GALNTL6: variants seen among roughly 807,000 people sequenced by gnomAD.
GALNTL6 encodes the protein polypeptide N-acetylgalactosaminyltransferase like 6.
GALNTL6 carries 46 observed loss-of-function variants against 73.7 expected under a neutral mutation model. The ratio of observed to expected loss-of-function variants is 0.62; its 90% confidence interval spans 0.49 to 0.80. GALNTL6 has a LOEUF of 0.80. Among genes scored for constraint, GALNTL6 ranks in the 30% least tolerant of loss-of-function variants. The probability of loss-of-function intolerance (pLI) is 0.00; values close to 1 mark genes in which losing one functional copy is unlikely to be tolerated. For missense variants in GALNTL6, 604 were observed against 755.0 expected (o/e 0.80, Z 2.34); for synonymous variants, 259 against 263.7 (o/e 0.98, Z 0.17).
At chr4:171,933,169 C>T (rs1307377351) in intron 2 of GALNTL6, among the ~76,000 whole-genome samples, 4 of 152,124 alleles carry the variant, frequency 2.6e-5, no homozygotes, top group South Asian at 2.1e-4. Context: ...ATCATCCATC[C>T]GTTATAACGT....
chr4:172,297,912 G>T (rs953783410), intron 3 of GALNTL6, among the ~76,000 whole-genome samples: 1 of 152,102 alleles, frequency 6.6e-6, no homozygotes, highest in African/African-American at 2.4e-5. Context: ...GCTTGATGGG[G>T]ATGACATTGA....
chr4:172,369,589 G>A (rs528542568), intron 5 of GALNTL6, among the ~76,000 whole-genome samples: 16 of 152,318 alleles, frequency 1.1e-4, no homozygotes, highest in South Asian at 4.1e-4. Flanking sequence ...TGGGCATGGC[G>A]GGCTGCAGGT....
intron 5 of GALNTL6, among the ~76,000 whole-genome samples, chr4:172,467,511 G>C (rs138299335): frequency 6.6e-6 from 1 of 152,100 alleles, no homozygotes; most frequent in African/African-American, 2.4e-5. Flanking sequence ...CAGCAGGCTC[G>C]GTTTGTCACA....
intron 10 of GALNTL6, among the ~76,000 whole-genome samples, chr4:172,956,146 T>A (rs1236338426): frequency 6.6e-6 from 1 of 151,900 alleles, no homozygotes; most frequent in Non-Finnish European, 1.5e-5. Flanking sequence ...GGGGGTGGTA[T>A]GGAGAGATAA....
At chr4:172,216,257 T>C (rs1000969081) in intron 2 of GALNTL6, among the ~76,000 whole-genome samples, 1 of 152,128 alleles carries the variant, frequency 6.6e-6, no homozygotes, top group African/African-American at 2.4e-5. Context: ...TTTTTGTTTG[T>C]GAAAATCTTT....
intron 2 of GALNTL6, among the ~76,000 whole-genome samples, chr4:172,197,941 C>A (rs1735825011): frequency 6.6e-6 from 1 of 152,062 alleles, no homozygotes; most frequent in Non-Finnish European, 1.5e-5. Flanking sequence ...AACCCCGTCT[C>A]TACTAAAAAT....
intron 2 of GALNTL6, among the ~76,000 whole-genome samples, chr4:172,028,498 T>C (rs1003020782): frequency 6.6e-6 from 1 of 152,036 alleles, no homozygotes; most frequent in East Asian, 1.9e-4. Flanking sequence ...GTAAGATAGG[T>C]TGGATTCCTA....
intron 5 of GALNTL6, among the ~76,000 whole-genome samples, chr4:172,764,805 T>A (rs549440522): frequency 1.1e-4 from 17 of 152,294 alleles, no homozygotes; most frequent in African/African-American, 4.1e-4. Flanking sequence ...CATAAAAAAA[T>A]TTAAAAAGTG....
chr4:172,631,303 C>T (rs1739388479), intron 5 of GALNTL6, among the ~76,000 whole-genome samples: 1 of 151,920 alleles, frequency 6.6e-6, no homozygotes, highest in African/African-American at 2.4e-5. Flanking sequence ...CACCACCATG[C>T]CTGGCTGATT....
intron 5 of GALNTL6, among the ~76,000 whole-genome samples, chr4:172,748,747 AAG>A (rs1478368952): frequency 6.6e-6 from 1 of 152,188 alleles, no homozygotes; most frequent in Non-Finnish European, 1.5e-5. Context: ...AAATAGCTAA[AAG>A]AGAGGATTTT....
chr4:172,839,048 G>A (rs1743064370), intron 7 of GALNTL6, among the ~76,000 whole-genome samples: 1 of 152,084 alleles, frequency 6.6e-6, no homozygotes, highest in African/African-American at 2.4e-5. Context: ...GTCATTCCAG[G>A]TTGTCATAAC....
intron 7 of GALNTL6, among the ~76,000 whole-genome samples, chr4:172,836,407 T>G (rs937529385): frequency 1.3e-5 from 2 of 152,126 alleles, no homozygotes; most frequent in African/African-American, 4.8e-5. Context: ...TCCTACATAT[T>G]CCTCAAAAAT....
intron 5 of GALNTL6, among the ~76,000 whole-genome samples, chr4:172,429,143 C>T (rs969766603): frequency 6.3e-5 from 9 of 142,150 alleles, no homozygotes; most frequent in African/African-American, 2.3e-4. Context: ...ATCACCTCCC[C>T]AAAGCCCCAC....
chr4:171,960,688 TAAAAAAA>T (rs201299722), intron 2 of GALNTL6, among the ~76,000 whole-genome samples: 2,152 of 129,488 alleles, frequency 0.017, 61 homozygotes, highest in African/African-American at 0.06. Context: ...TGTCTTTATT[TAAAAAAA>T]AAAAAAAAAA....
chr4:172,535,065 A>T (rs778544222), intron 5 of GALNTL6, among the ~76,000 whole-genome samples: 3 of 152,216 alleles, frequency 2.0e-5, no homozygotes, highest in Non-Finnish European at 4.4e-5. Context: ...GGCAATTTAT[A>T]TCTGAAAAAC....
chr4:171,994,500 G>A lies in GALNTL6; in HGVS notation c.138+179782G>A, dbSNP rs566778808. Among the ~76,000 whole-genome samples, 5 of 152,132 alleles carry A rather than the reference G, an allele frequency of 3.3e-5. No homozygotes were observed. The East Asian group carries it at 9.7e-4, about 29-fold the overall frequency. ...ACTTATTGCTTAGAAGGGTATGATG[G>A]ACTTGGGGACTTAGAGAGGAAGGTT... On this transcript the variant is annotated intron_variant, in intron 2 of 12. Transcript: ENST00000506823.
At chr4:172,815,621 C>G (rs572593142) in intron 7 of GALNTL6, among the ~76,000 whole-genome samples, 1 of 152,146 alleles carries the variant, frequency 6.6e-6, no homozygotes, top group Non-Finnish European at 1.5e-5. Context: ...TAAAAGTATT[C>G]TCAGTGCCTG....
intron 3 of GALNTL6, among the ~76,000 whole-genome samples, chr4:172,268,723 A>AGGGTG (rs1738536001): frequency 6.6e-6 from 1 of 152,170 alleles, no homozygotes; most frequent in Non-Finnish European, 1.5e-5. Flanking sequence ...TGAAATCGTA[A>AGGGTG]GGGTGGGGCC....
At chr4:172,034,975 A>T (rs1560894259) in intron 2 of GALNTL6, among the ~76,000 whole-genome samples, 1 of 152,146 alleles carries the variant, frequency 6.6e-6, no homozygotes, top group Non-Finnish European at 1.5e-5. Context: ...CTCCTGCACT[A>T]ATTAAACATC....
Sources: allele counts gnomAD v4.1 joint callset (sites outside exome capture counted in the v4.1 genomes callset), GRCh38; gene constraint gnomAD v4.1.1; transcripts MANE v1.5; gene names NCBI Gene and HGNC (gene_info 2026-07-23, HGNC 2026-07-21).